The following CAPZA1 variants were observed in gnomAD, a reference collection of about 807,000 sequenced individuals.
CAPZA1 encodes the protein F-actin-capping protein subunit alpha-1.
Under a neutral mutation model 40.8 loss-of-function variants are expected in CAPZA1, and 10 were observed. The ratio of observed to expected loss-of-function variants is 0.25; its 90% CI spans 0.15 to 0.42. The LOEUF is 0.42. Among genes scored for constraint, CAPZA1 ranks in the 10% least tolerant of loss-of-function variants. CAPZA1 has a pLI of 1.00. For missense variants in CAPZA1, 277 were observed against 353.8 expected, an observed-to-expected ratio of 0.78 and a Z score of 1.74; for synonymous variants, 98 against 115.0, an observed-to-expected ratio of 0.85 and a Z score of 0.95.
chr1:112,658,153 C>A (rs1195056080), intron 5 of CAPZA1, among the ~76,000 whole-genome samples: 1 of 152,120 alleles, frequency 6.6e-6, no homozygotes, highest in African/African-American at 2.4e-5. Flanking sequence ...CATGTAAGAA[C>A]ATATTTTGTG....
chr1:112,623,149 T>G (rs1476995079), intron 1 of CAPZA1, among the ~76,000 whole-genome samples: 8 of 152,192 alleles, frequency 5.3e-5, no homozygotes, highest in Non-Finnish European at 1.2e-4. Flanking sequence ...CCTCCCAAAG[T>G]GCCGAGATTG....
chr1:112,652,949 C>A (rs1671423837), intron 3 of CAPZA1, among the ~76,000 whole-genome samples: 1 of 152,142 alleles, frequency 6.6e-6, no homozygotes. Flanking sequence ...CTACTTTGTG[C>A]CTGAGGCTCT....
chr1:112,662,395 CTTTTTTTTTTTTT>C (rs35100851), intron 7 of CAPZA1, among the ~76,000 whole-genome samples: 3 of 97,260 alleles, frequency 3.1e-5, no homozygotes, highest in Admixed American at 1.4e-4. Context: ...TAGAATTTTT[CTTTTTTTTTTTTT>C]TTTTTTTTGA....
chr1:112,630,361 T>A (rs1670896506), intron 1 of CAPZA1, among the ~76,000 whole-genome samples: 1 of 152,052 alleles, frequency 6.6e-6, no homozygotes, highest in Non-Finnish European at 1.5e-5. Context: ...TTTTTATTTT[T>A]GTTAGAGAGT....
At chr1:112,626,650 T>C (rs1670814001) in intron 1 of CAPZA1, among the ~76,000 whole-genome samples, 2 of 152,206 alleles carry the variant, frequency 1.3e-5, no homozygotes, top group South Asian at 4.1e-4. Context: ...TCAGGACCTT[T>C]TTTTATGCTT....
At chr1:112,657,681 T>C (rs1156919509) in intron 5 of CAPZA1, among the ~76,000 whole-genome samples, 1 of 152,086 alleles carries the variant, frequency 6.6e-6, no homozygotes, top group Non-Finnish European at 1.5e-5. Context: ...AACCTCCGCC[T>C]CTCAGGTTCA....
intron 7 of CAPZA1, among the ~76,000 whole-genome samples, chr1:112,665,696 G>T (rs1671711936): frequency 2.0e-5 from 3 of 152,074 alleles, no homozygotes; most frequent in African/African-American, 7.2e-5. Flanking sequence ...TAGAAGAGTG[G>T]CAAGAGAGCT....
intron 5 of CAPZA1, among the ~76,000 whole-genome samples, chr1:112,656,105 A>G (rs1288922484): frequency 6.6e-6 from 1 of 152,230 alleles, no homozygotes; most frequent in African/African-American, 2.4e-5. Context: ...TGGGAAAATC[A>G]GCAATTTTCA....
chr1:112,662,303 G>C (rs1557737538), intron 7 of CAPZA1, among the ~76,000 whole-genome samples: 1 of 150,884 alleles, frequency 6.6e-6, no homozygotes, highest in Admixed American at 6.6e-5. Flanking sequence ...TAGAGTCGGG[G>C]TCTCACTATA....
chr1:112,647,435 A>G (rs1300072431), intron 2 of CAPZA1, among the ~76,000 whole-genome samples, 162 bp downstream of exon 2: 1 of 152,256 alleles, frequency 6.6e-6, no homozygotes, highest in Non-Finnish European at 1.5e-5. Flanking sequence ...AGTAAATGTC[A>G]AAGCAAGAAT....
intron 5 of CAPZA1, among the ~76,000 whole-genome samples, chr1:112,657,220 G>T (rs1191314185): frequency 6.6e-6 from 1 of 151,918 alleles, no homozygotes; most frequent in African/African-American, 2.4e-5. Flanking sequence ...TGTGTGTGTT[G>T]TGTGTGTGTA....
chr1:112,662,056 T>G (rs1420183148), intron 7 of CAPZA1, among the ~76,000 whole-genome samples: 1 of 152,228 alleles, frequency 6.6e-6, no homozygotes, highest in African/African-American at 2.4e-5. Flanking sequence ...ATTGAACCAT[T>G]TTCATATTAG....
chr1:112,634,811 A>G (rs895289807), intron 1 of CAPZA1: 4 of 152,204 alleles, frequency 2.6e-5, no homozygotes, highest in East Asian at 1.9e-4. Flanking sequence ...AGTACATACT[A>G]TCCCACTTTA....
At chr1:112,625,134 C>A (rs1001904019) in intron 1 of CAPZA1, among the ~76,000 whole-genome samples, 3 of 152,092 alleles carry the variant, frequency 2.0e-5, no homozygotes, top group Admixed American at 6.5e-5. Flanking sequence ...TTCTTGTATT[C>A]AAGAGTATGT....
chr1:112,667,608 A>C (rs994179173), intron 8 of CAPZA1, among the ~76,000 whole-genome samples: 15 of 152,170 alleles, frequency 9.9e-5, no homozygotes, highest in Admixed American at 3.9e-4. Flanking sequence ...ATCACAGCTC[A>C]CTGCAGCCTT....
At chr1:112,631,166 G>C (rs1035930941) in intron 1 of CAPZA1, among the ~76,000 whole-genome samples, 2 of 152,216 alleles carry the variant, frequency 1.3e-5, no homozygotes, top group Non-Finnish European at 2.9e-5. Context: ...TTACCTCTTT[G>C]ACAATCCTAC....
At chr1:112,658,472 A>G (rs1254507816) in intron 5 of CAPZA1, among the ~76,000 whole-genome samples, 1 of 152,202 alleles carries the variant, frequency 6.6e-6, no homozygotes, top group Non-Finnish European at 1.5e-5. Context: ...CCTCCTAACC[A>G]AGCTTCAGCT....
chr1:112,659,353 A>C (rs749419785), intron 6 of CAPZA1: 4 of 543,060 alleles, frequency 7.4e-6, no homozygotes, highest in Non-Finnish European at 1.3e-5. Flanking sequence ...TACTTGGCTT[A>C]GGGTTACTGC....
At chr1:112,650,951 A>G (rs1256914904) in intron 3 of CAPZA1, among the ~76,000 whole-genome samples, 1 of 152,158 alleles carries the variant, frequency 6.6e-6, no homozygotes, top group African/African-American at 2.4e-5. Context: ...TTCTTGGGGA[A>G]CCCTCTTGTT....
Sources: allele counts gnomAD v4.1 joint callset (sites outside exome capture counted in the v4.1 genomes callset), GRCh38; gene constraint gnomAD v4.1.1; transcripts MANE v1.5; gene names NCBI Gene and HGNC (gene_info 2026-07-23, HGNC 2026-07-21).